SLC27A1: variants seen among roughly 807,000 people sequenced by gnomAD.
The protein encoded by SLC27A1 is long-chain fatty acid transport protein 1.
SLC27A1 carries 61 observed loss-of-function variants against 62.2 expected under a neutral mutation model. The observed-to-expected ratio is 0.98, with a 90% CI of 0.80 to 1.21. SLC27A1 has a LOEUF of 1.21. Among genes scored for constraint, SLC27A1 ranks in the 50% most tolerant of loss-of-function variants. The pLI, the probability that SLC27A1 is intolerant of heterozygous loss-of-function variation, is 0.00. For missense variants in SLC27A1, 903 were observed against 932.1 expected, an observed-to-expected ratio of 0.97 and a Z score of 0.41; for synonymous variants, 435 against 408.6, an observed-to-expected ratio of 1.06 and a Z score of -0.78.
chr19:17,498,859 GGA>G (rs958745526), intron 7 of SLC27A1: 5 of 154,990 alleles, frequency 3.2e-5, no homozygotes, highest in South Asian at 2.0e-4. Flanking sequence ...GCAGAGAGAG[GGA>G]GAGAGAGAGA....
chr19:17,475,350 G>C (rs1187567305), intron 1 of SLC27A1, among the ~76,000 whole-genome samples: 2 of 152,170 alleles, frequency 1.3e-5, no homozygotes, highest in African/African-American at 4.8e-5. Context: ...AGACCAGCCT[G>C]AGCAACATGA....
rs1161374125 is a variant in SLC27A1 at position 17,500,317 on chromosome 19, G to A, written c.1246G>A (p.Val416Met). The A allele has an allele frequency of 5.0e-6, 8 of 1,614,062 alleles. No homozygotes were observed. The African/African-American group carries it at 5.3e-5, about 11-fold the overall frequency. The change falls in exon 8 of 12, where the codon GTG becomes ATG. Residue 416 changes from valine (V) to methionine (M), a missense_variant. Transcript: ENST00000252595. ...CGFNSRILPH[V>M]YPIRLVKVNE... ...TTTCAACAGCCGCATCCTGCCCCAC[G>A]TGTACCCCATCCGGCTGGTGAAGGT...
Position 17,487,445 on chromosome 19 carries a change from C to A in SLC27A1, c.725-15C>A, listed in dbSNP as rs756069940. 1.0e-5 allele frequency: 16 copies of A among 1,605,152 alleles called. No individual in the cohort carries two copies. Among genetic ancestry groups the A allele is most frequent in the Non-Finnish European group, 6.8e-6 (8 of 1,178,370 alleles). On this transcript the variant is annotated splice_polypyrimidine_tract_variant and intron_variant, in intron 3 of 11. Coordinates refer to ENST00000252595, the MANE Select transcript of SLC27A1 (RefSeq NM_198580.3). ...AATGCTCAGGCCCCACCCCTAACAC[C>A]TGTATCTCCTGCAGATCGTCTTTTC...
chr19:17,472,628 G>C (rs993471514), intron 1 of SLC27A1, among the ~76,000 whole-genome samples: 2 of 152,018 alleles, frequency 1.3e-5, no homozygotes, highest in Non-Finnish European at 2.9e-5. Context: ...CCAGGTTCAA[G>C]TGATTCTCCT....
intron 3 of SLC27A1, 31 bp downstream of exon 3, chr19:17,487,366 A>C: frequency 1.3e-6 from 2 of 1,583,268 alleles, no homozygotes; most frequent in Non-Finnish European, 8.6e-7. Context: ...CTGCTCTATC[A>C]ACTGGTTTCC....
At chr19:17,480,913 G>T (rs111795070) in intron 1 of SLC27A1, among the ~76,000 whole-genome samples, 1 of 7,006 alleles carries the variant, frequency 1.4e-4, no homozygotes, top group Non-Finnish European at 1.6e-3. Flanking sequence ...TAACGAAAAC[G>T]TGGTATTTGG....
intron 1 of SLC27A1, among the ~76,000 whole-genome samples, chr19:17,482,579 A>G (rs2075189090): frequency 7.0e-6 from 1 of 143,238 alleles, no homozygotes; most frequent in Non-Finnish European, 1.5e-5. Flanking sequence ...GGAACCCAGG[A>G]GGCAAATGTT....
chr19:17,481,444 G>A (rs927792231), intron 1 of SLC27A1, among the ~76,000 whole-genome samples: 1 of 151,342 alleles, frequency 6.6e-6, no homozygotes. Flanking sequence ...AGCCTCCTGA[G>A]TAGCTGGGAT....
chr19:17,505,408 T>G lies in SLC27A1; in HGVS notation c.*796T>G, dbSNP rs919596535. 2 of 156,548 alleles carry G rather than the reference T, an allele frequency of 1.3e-5. No homozygotes were observed. The highest frequency in any genetic ancestry group is 2.8e-5 in the Non-Finnish European group (2 of 70,482). The allele number at this position is 156,548 out of a possible 1,614,324, so 9.7% of individuals were successfully genotyped here. On this transcript the variant is annotated 3_prime_UTR_variant, in exon 12 of 12. Transcript: ENST00000252595. ...TTGGGTTCCAGATGCTGCAGCTCCA[T>G]GTGACTTCCAAGCAGGCCCTCCGCC...
At position 17,501,378 on chromosome 19, in the gene SLC27A1, G is replaced by A. The variant is rs749948355; in HGVS notation, c.1742G>A (p.Arg581Gln). The A allele has an allele frequency of 9.3e-6, 15 of 1,613,668 alleles. No individual in the cohort carries two copies. Among genetic ancestry groups the A allele is most frequent in the Admixed American group, 1.7e-5 (1 of 59,970 alleles). Residue 581 changes from arginine (R) to glutamine (Q), a missense_variant, in exon 11 of 12, where the codon CGG becomes CAG. Arg to Gln is a conservative substitution (Grantham distance 43). Coordinates refer to ENST00000252595, the MANE Select transcript of SLC27A1 (RefSeq NM_198580.3). Reference sequence around the variant, plus strand: ...CAGAAGGTGCTGGCACCCTATGCCCGGCCCATCTTCCTGCGCCTCCTGCCC... The same window carrying A: ...CAGAAGGTGCTGGCACCCTATGCCCAGCCCATCTTCCTGCGCCTCCTGCCC... ...ELQKVLAPYA[R>Q]PIFLRLLPQV...
intron 1 of SLC27A1, among the ~76,000 whole-genome samples, chr19:17,471,436 G>T (rs555011665): frequency 2.0e-5 from 3 of 151,918 alleles, no homozygotes; most frequent in Admixed American, 2.0e-4. Flanking sequence ...TTCATGCTAG[G>T]GGGGCAGATT....
At chr19:17,499,933 C>T (rs2075390888) in intron 7 of SLC27A1, 2 of 283,236 alleles carry the variant, frequency 7.1e-6, no homozygotes, top group Non-Finnish European at 1.3e-5. Flanking sequence ...AGAACCATGC[C>T]AAGCAGGGCG....
chr19:17,493,767 G>C (rs1338028255), intron 6 of SLC27A1, among the ~76,000 whole-genome samples: 1 of 151,832 alleles, frequency 6.6e-6, no homozygotes, highest in Non-Finnish European at 1.5e-5. Flanking sequence ...TGGGATTACA[G>C]GGGTCTACCA....
chr19:17,484,322 G>A (rs894434489), intron 1 of SLC27A1, among the ~76,000 whole-genome samples: 1 of 152,172 alleles, frequency 6.6e-6, no homozygotes, highest in Admixed American at 6.6e-5. Flanking sequence ...GACCAGATGC[G>A]GTGGCCCACG....
chr19:17,494,312 CG>C (rs2075326125), intron 6 of SLC27A1, among the ~76,000 whole-genome samples: 8 of 150,962 alleles, frequency 5.3e-5, no homozygotes, highest in African/African-American at 1.7e-4. Flanking sequence ...CGTGAGCCAC[CG>C]TGCCTGGCCT....
chr19:17,500,330 G>A lies in SLC27A1; in HGVS notation c.1259G>A (p.Arg420Gln), dbSNP rs770054000. The A allele has an allele frequency of 4.6e-5, 74 of 1,614,078 alleles. No individual in the cohort carries two copies. In the South Asian group the frequency reaches 4.8e-4, roughly 11 times the overall value. ...ATCCTGCCCCACGTGTACCCCATCC[G>A]GCTGGTGAAGGTCAATGAGGACACA... Reference protein sequence around the residue: ...SRILPHVYPIRLVKVNEDTME... With the variant: ...SRILPHVYPIQLVKVNEDTME... The change falls in exon 8 of 12, where the codon CGG becomes CAG. Residue 420 changes from arginine to glutamine, a missense_variant. Physicochemically the swap from Arg to Gln is conservative, Grantham distance 43 (BLOSUM62 1). Transcript: ENST00000252595.
intron 1 of SLC27A1, among the ~76,000 whole-genome samples, chr19:17,479,422 C>G (rs1301152371): frequency 6.6e-6 from 1 of 152,098 alleles, no homozygotes; most frequent in Non-Finnish European, 1.5e-5. Context: ...CAGCGGGGGG[C>G]CCCATTCTTG....
In SLC27A1 at chr19:17,492,274, G is replaced by A. The variant is rs2144592725; in HGVS notation, c.996+3157G>A. On this transcript the variant is annotated intron_variant, in intron 6 of 11. Transcript: ENST00000252595. ...GCAAAGATTCCTTATGGGTGGTGTG[G>A]TGTCCTCCCACTGGGAAGCCCGTCA... 2.0e-5 allele frequency: 3 copies of A among 152,276 alleles called. No individual in the cohort carries two copies. In the South Asian group the frequency reaches 6.2e-4, roughly 32 times the overall value. The allele number at this position is 152,276 out of a possible 1,614,324, so 9.4% of individuals were successfully genotyped here.
chr19:17,470,725 C>T lies in SLC27A1; in HGVS notation c.167+18C>T. The T allele has an allele frequency of 3.2e-6, 5 of 1,565,566 alleles. No individual in the cohort carries two copies. The highest frequency in any genetic ancestry group is 2.3e-5 in the East Asian group (1 of 43,102). On this transcript the variant is annotated intron_variant, in intron 1 of 11. Coordinates refer to ENST00000252595, the MANE Select transcript of SLC27A1 (RefSeq NM_198580.3). Reference sequence around the variant, plus strand: ...GACCTCTTGTGAGTGTTGCCGGGATCCGTCCAGGGCTGGGGGCGGGGCTGA... The same window carrying T: ...GACCTCTTGTGAGTGTTGCCGGGATTCGTCCAGGGCTGGGGGCGGGGCTGA...
Sources: allele counts gnomAD v4.1 joint callset (sites outside exome capture counted in the v4.1 genomes callset), GRCh38; gene constraint gnomAD v4.1.1; transcripts MANE v1.5; gene names NCBI Gene and HGNC (gene_info 2026-07-23, HGNC 2026-07-21).